KIF4A: variants seen among roughly 807,000 people sequenced by gnomAD.
KIF4A encodes the protein kinesin family member 4A.
A neutral mutation model predicts 105.9 loss-of-function variants in KIF4A; 7 were observed. The ratio of observed to expected loss-of-function variants is 0.07; its 90% CI spans 0.04 to 0.12. The LOEUF is 0.12. KIF4A is among the 10% of genes least tolerant of loss of function. KIF4A has a pLI of 1.00. For missense variants in KIF4A, 558 were observed against 929.2 expected (o/e 0.60, Z 5.19); for synonymous variants, 281 against 331.3 (o/e 0.85, Z 1.65).
At chrX:70,326,559 T>A (rs976712812) in intron 7 of KIF4A, among the ~76,000 whole-genome samples, 6 of 112,583 alleles carry the variant, frequency 5.3e-5, no homozygotes, top group Admixed American at 1.9e-4. Flanking sequence ...CTTTTAAAGT[T>A]AAAATCTCTC....
intron 7 of KIF4A, among the ~76,000 whole-genome samples, chrX:70,315,346 C>T (rs1374596256): frequency 8.9e-6 from 1 of 111,851 alleles, no homozygotes; most frequent in African/African-American, 3.3e-5. Flanking sequence ...AGTTGCTTTC[C>T]TCAGGGGAAT....
At chrX:70,364,538 A>G (rs1334121980) in intron 15 of KIF4A, among the ~76,000 whole-genome samples, 2 of 108,360 alleles carry the variant, frequency 1.8e-5, no homozygotes, top group Admixed American at 1.0e-4. Context: ...TTTGTCAAAG[A>G]TCAGATAGTT....
At position 70,420,406 on chromosome X, in the gene KIF4A, G is replaced by GCCCC. The variant is rs2086362499; in HGVS notation, c.*141_*142insCCCC. ...GGAACAAAGCGTTACTGAAAAGAAGGTAACCTTTGTTGGATGTGGGCCTTA... is the reference window on the plus strand; with the variant it reads ...GGAACAAAGCGTTACTGAAAAGAAGGCCCCTAACCTTTGTTGGATGTGGGCCTTA... On this transcript the variant is annotated 3_prime_UTR_variant, in exon 31 of 31. Coordinates refer to ENST00000374403, the MANE Select transcript of KIF4A (RefSeq NM_012310.5). The GCCCC allele has an allele frequency of 2.4e-6, 2 of 833,531 alleles. No individual in the cohort carries two copies. Among genetic ancestry groups the GCCCC allele is most frequent in the Non-Finnish European group, 3.3e-6 (2 of 603,750 alleles). The allele number at this position is 833,531 out of a possible 1,213,427, so 68.7% of individuals were successfully genotyped here.
chrX:70,420,145 G>A lies in KIF4A; in HGVS notation c.3579G>A (p.Leu1193=). ...CCTCCCCTTTTGACCTCCCAGAGTTGAAACATGTAGCAACAGAATACCAAG... is the reference window on the plus strand; with the variant it reads ...CCTCCCCTTTTGACCTCCCAGAGTTAAAACATGTAGCAACAGAATACCAAG... ...PAPSPFDLPE[L]KHVATEYQEN... The change falls in exon 31 of 31, where the codon TTG becomes TTA. Residue 1193 remains leucine (L), a synonymous_variant. Coordinates refer to ENST00000374403, the MANE Select transcript of KIF4A (RefSeq NM_012310.5). 1 of 1,211,122 alleles carries A rather than the reference G, an allele frequency of 8.3e-7. No homozygotes were observed. The highest frequency in any genetic ancestry group is 1.7e-5 in the African/African-American group (1 of 57,606).
intron 15 of KIF4A, among the ~76,000 whole-genome samples, chrX:70,356,300 G>A (rs1328828764): frequency 9.2e-6 from 1 of 108,381 alleles, no homozygotes; most frequent in East Asian, 2.9e-4. Flanking sequence ...CTTTGGCTGG[G>A]CATGGTGCTC....
chrX:70,358,811 A>C (rs1798993466), intron 15 of KIF4A, among the ~76,000 whole-genome samples: 1 of 112,592 alleles, frequency 8.9e-6, no homozygotes, highest in Non-Finnish European at 1.9e-5. Flanking sequence ...CAATAAAGAA[A>C]TCTTTTATTC....
intron 15 of KIF4A, among the ~76,000 whole-genome samples, chrX:70,355,351 G>C (rs1425651615): frequency 9.0e-6 from 1 of 111,506 alleles, no homozygotes; most frequent in Non-Finnish European, 1.9e-5. Context: ...GACAGCCCCA[G>C]TCCCTCCCCA....
chrX:70,314,266 A>G (rs1002681221), intron 7 of KIF4A, among the ~76,000 whole-genome samples: 6 of 112,448 alleles, frequency 5.3e-5, no homozygotes, highest in African/African-American at 1.9e-4. Flanking sequence ...ACTTATCAAG[A>G]ACTAAGAAAG....
At chrX:70,411,328 T>G (rs903421321) in intron 28 of KIF4A, among the ~76,000 whole-genome samples, 3 of 111,057 alleles carry the variant, frequency 2.7e-5, no homozygotes, top group Admixed American at 1.9e-4. Flanking sequence ...GAATGGAGAT[T>G]AACTTGGATG....
chrX:70,398,980 T>C (rs2086270399), intron 22 of KIF4A, among the ~76,000 whole-genome samples: 1 of 111,993 alleles, frequency 8.9e-6, no homozygotes, highest in Admixed American at 9.5e-5. Context: ...CTAGTAGTCA[T>C]TGTATGCTTC....
chrX:70,388,256 A>G, intron 20 of KIF4A, among the ~76,000 whole-genome samples: 1 of 111,512 alleles, frequency 9.0e-6, no homozygotes, highest in Non-Finnish European at 1.9e-5. Context: ...GTGGCATCCC[A>G]TTCATTGTAT....
chrX:70,357,896 T>G (rs1005818063), intron 15 of KIF4A, among the ~76,000 whole-genome samples: 9 of 111,005 alleles, frequency 8.1e-5, no homozygotes, highest in South Asian at 3.8e-4. Context: ...CTGTTGTTTT[T>G]TTGTTGTTGT....
At chrX:70,339,875 T>G (rs992310635) in intron 10 of KIF4A, among the ~76,000 whole-genome samples, 3 of 112,407 alleles carry the variant, frequency 2.7e-5, no homozygotes, top group African/African-American at 9.7e-5. Flanking sequence ...GTCTGATTTT[T>G]GCCTGGCCCT....
chrX:70,323,619 T>C (rs1457069585), intron 7 of KIF4A, among the ~76,000 whole-genome samples: 3 of 111,337 alleles, frequency 2.7e-5, no homozygotes, highest in African/African-American at 9.8e-5. Context: ...TTACTTCAAG[T>C]TGAAAGATTT....
At chrX:70,336,816 A>G (rs897766337) in intron 10 of KIF4A, among the ~76,000 whole-genome samples, 5 of 111,622 alleles carry the variant, frequency 4.5e-5, no homozygotes, top group Admixed American at 1.9e-4. Flanking sequence ...TTCATTCACA[A>G]TGTTGTGCAG....
At chrX:70,366,743 A>T (rs1569243191) in intron 15 of KIF4A, among the ~76,000 whole-genome samples, 3 of 111,411 alleles carry the variant, frequency 2.7e-5, no homozygotes, top group Non-Finnish European at 3.8e-5. Flanking sequence ...TGGGATGGAG[A>T]GTTCTGTAGA....
chrX:70,354,139 C>T (rs746692482), intron 15 of KIF4A, among the ~76,000 whole-genome samples: 5 of 112,598 alleles, frequency 4.4e-5, no homozygotes, highest in African/African-American at 1.6e-4. Flanking sequence ...GGTAAATAGT[C>T]TGGGTTATAG....
rs777341524 is a variant in KIF4A, at chrX:70,348,785, CTTTCT to C, written c.1432-3810_1432-3806del. On this transcript the variant is annotated intron_variant, in intron 13 of 30. Coordinates refer to ENST00000374403, the MANE Select transcript of KIF4A (RefSeq NM_012310.5). ...CAGACACAGTAACAATCTGATCTCT[CTTTCT>C]TTTCCCCACATTTCCCCCTCTTCTT... Among the ~76,000 whole-genome samples, 628 of 111,924 alleles carry C rather than the reference CTTTCT, an allele frequency of 5.6e-3. 2 individuals carry two copies. Among genetic ancestry groups the C allele is most frequent in the African/African-American group, 0.019 (590 of 30,787 alleles).
At chrX:70,328,093 T>A (rs1416862090) in intron 7 of KIF4A, among the ~76,000 whole-genome samples, 1 of 112,102 alleles carries the variant, frequency 8.9e-6, no homozygotes, top group East Asian at 2.8e-4. Flanking sequence ...ATAAATATAA[T>A]TGTTTCATGT....
Sources: gnomAD v4.1 joint callset for allele counts (sites outside exome capture counted in the v4.1 genomes callset) on GRCh38, gnomAD v4.1.1 for gene constraint, MANE v1.5 for transcripts, NCBI Gene and HGNC (gene_info 2026-07-23, HGNC 2026-07-21) for gene names.